The following HOXA3 variants were observed in gnomAD, a reference collection of about 807,000 sequenced individuals.
The protein encoded by HOXA3 is homeobox A3, also known as homeobox protein Hox-A3.
A neutral mutation model predicts 30.3 loss-of-function variants in HOXA3; 8 were observed. The ratio of observed to expected loss-of-function variants is 0.26; its 90% confidence interval spans 0.15 to 0.48. HOXA3 has a LOEUF of 0.48. Ranked by LOEUF, HOXA3 falls within the 20% of genes least tolerant of loss-of-function variation. HOXA3 has a pLI of 0.99. For synonymous variants in HOXA3, 323 were observed against 273.1 expected (o/e 1.18, Z -1.80); for missense variants, 653 against 614.4 (o/e 1.06, Z -0.66).
At chr7:27,139,174 A>C (rs13232958) in intron 2 of HOXA3, among the ~76,000 whole-genome samples, 1 of 152,258 alleles carries the variant, frequency 6.6e-6, no homozygotes, top group African/African-American at 2.4e-5. Context: ...AACCCCTTTC[A>C]ATTAGCCTGG....
At chr7:27,112,625 G>C (rs1784439619) in intron 4 of HOXA3, among the ~76,000 whole-genome samples, 1 of 152,202 alleles carries the variant, frequency 6.6e-6, no homozygotes, top group Admixed American at 6.5e-5. Context: ...TAGCAATTTA[G>C]TGTATCCGTT....
intron 1 of HOXA3, chr7:27,149,954 C>T (rs983964278): frequency 6.6e-6 from 1 of 152,088 alleles, no homozygotes. Context: ...TGTCAATTTA[C>T]TATTATTATT....
intron 4 of HOXA3, among the ~76,000 whole-genome samples, chr7:27,118,634 C>G (rs1477825934): frequency 1.3e-5 from 2 of 152,196 alleles, no homozygotes; most frequent in Non-Finnish European, 2.9e-5. Flanking sequence ...ACACACCCTC[C>G]AAACACAAGG....
At chr7:27,147,634 G>A in intron 1 of HOXA3, 2 of 1,614,168 alleles carry the variant, frequency 1.2e-6, no homozygotes, top group East Asian at 2.2e-5. Context: ...GTACGAGGCC[G>A]GGAAGGGCCT....
intron 1 of HOXA3, chr7:27,145,571 G>A: frequency 6.6e-7 from 1 of 1,522,410 alleles, no homozygotes; most frequent in South Asian, 1.3e-5. Context: ...GATGGGAGCA[G>A]GCGGGGAGAA....
intron 2 of HOXA3, chr7:27,130,845 T>C (rs1583397691): frequency 1.1e-6 from 1 of 934,952 alleles, no homozygotes; most frequent in Non-Finnish European, 1.5e-6. Context: ...CTCTGCGCCC[T>C]TCCCCTCCCC....
intron 2 of HOXA3, among the ~76,000 whole-genome samples, chr7:27,138,074 C>T (rs765886996): frequency 6.6e-6 from 1 of 152,104 alleles, no homozygotes; most frequent in Non-Finnish European, 1.5e-5. Flanking sequence ...AGCAGCAAAA[C>T]AAGGAATCCA....
intron 4 of HOXA3, among the ~76,000 whole-genome samples, chr7:27,118,714 G>A (rs1223016195): frequency 6.6e-6 from 1 of 152,236 alleles, no homozygotes; most frequent in Non-Finnish European, 1.5e-5. Context: ...CCACGGACAA[G>A]CTGGATCCTG....
intron 3 of HOXA3, chr7:27,124,666 C>G (rs1288639722): frequency 6.6e-6 from 1 of 152,170 alleles, no homozygotes; most frequent in Non-Finnish European, 1.5e-5. Context: ...CTGACGACTC[C>G]GATCCATTCC....
chr7:27,149,900 G>A (rs1178771893), intron 1 of HOXA3, among the ~76,000 whole-genome samples: 1 of 152,186 alleles, frequency 6.6e-6, no homozygotes, highest in Non-Finnish European at 1.5e-5. Context: ...TTACATTTAT[G>A]ATTTCCTTTT....
rs530915132 is a variant in HOXA3 at position 27,142,876 on chromosome 7, C to A, written c.-493-2690G>T. The A allele has an allele frequency of 3.5e-5, 22 of 626,532 alleles. No individual in the cohort carries two copies. The South Asian group carries it at 5.1e-4, about 15-fold the overall frequency. 38.8% of individuals were successfully genotyped at this position (626,532 alleles called of 1,614,324 possible). A position where few individuals can be genotyped will look rare whatever the true frequency, so the allele number is the denominator to read the frequency against. On this transcript the variant is annotated intron_variant, in intron 1 of 5. Transcript: ENST00000612286. ...ACTATTTGTGAGCGCAGGGTGCTCGCAAAGAAGAGGAGGAAGGAGGAAGGC... is the reference window on the plus strand; with the variant it reads ...ACTATTTGTGAGCGCAGGGTGCTCGAAAAGAAGAGGAGGAAGGAGGAAGGC...
In HOXA3 at chr7:27,143,012, C is replaced by T. The variant is rs745901959; in HGVS notation, c.-493-2826G>A. 3.4e-6 allele frequency: 5 copies of T among 1,489,968 alleles called. No individual in the cohort carries two copies. The African/African-American group carries it at 4.4e-5, about 13-fold the overall frequency. The allele number at this position is 1,489,968 out of a possible 1,614,324, so 92.3% of individuals were successfully genotyped here. ...GGGGGGACCGAGAGCCGCGTCCCCG[C>T]GGTCGCGTGGATTTAGAAAAAGGCT... On this transcript the variant is annotated intron_variant, in intron 1 of 5. Coordinates refer to ENST00000612286, the MANE Select transcript of HOXA3 (RefSeq NM_153631.3).
At chr7:27,147,297 A>G (rs1782801964) in intron 1 of HOXA3, 1 of 1,607,738 alleles carries the variant, frequency 6.2e-7, no homozygotes, top group Non-Finnish European at 8.5e-7. Flanking sequence ...CTGTCTTGGG[A>G]TATGTCTTAC....
intron 1 of HOXA3, chr7:27,150,137 A>ATCATGTTGACAGCTGACCAAT (rs55672610): frequency 6.6e-6 from 1 of 152,016 alleles, no homozygotes; most frequent in South Asian, 2.1e-4. Context: ...GCTAGTGCAT[A>ATCATGTTGACAGCTGACCAAT]TCATTTCTCC....
In HOXA3 at chr7:27,152,395, G is replaced by A; in HGVS notation, c.-601C>T. ...TGGTGCCAGAGGACGCAGGAAATTA[G>A]CCAGGTTGCGAGTTGCAAAGCTGCT... On this transcript the variant is annotated 5_prime_UTR_variant, in exon 1 of 6. Transcript: ENST00000612286. 5.1e-6 allele frequency: 6 copies of A among 1,175,358 alleles called. No individual in the cohort carries two copies. The South Asian group carries it at 6.2e-5, about 12-fold the overall frequency. 72.8% of individuals were successfully genotyped at this position (1,175,358 alleles called of 1,614,324 possible). A position where few individuals can be genotyped will look rare whatever the true frequency, so the allele number is the denominator to read the frequency against.
At chr7:27,143,242 T>C (rs1782638472) in intron 1 of HOXA3, 2 of 1,609,262 alleles carry the variant, frequency 1.2e-6, no homozygotes, top group Non-Finnish European at 1.7e-6. Context: ...TGGAGTTGCT[T>C]AGGGAGTTTT....
chr7:27,151,161 T>A (rs1354319751), intron 1 of HOXA3: 1 of 168,964 alleles, frequency 5.9e-6, no homozygotes, highest in Non-Finnish European at 1.3e-5. Flanking sequence ...ACCAAGATAT[T>A]GTCTCAAGTT....
intron 2 of HOXA3, among the ~76,000 whole-genome samples, chr7:27,130,972 A>G (rs1017622911): frequency 6.6e-5 from 10 of 151,126 alleles, no homozygotes; most frequent in African/African-American, 2.4e-4. Context: ...GCCCCCACCA[A>G]TGGGCGCACC....
At chr7:27,130,516 T>C (rs755300090) in intron 2 of HOXA3, 1 of 1,328,270 alleles carries the variant, frequency 7.5e-7, no homozygotes, top group Non-Finnish European at 9.6e-7. Context: ...CGGCGCGTAG[T>C]AGGAGGCAGT....
Sources: allele counts gnomAD v4.1 joint callset (sites outside exome capture counted in the v4.1 genomes callset), GRCh38; gene constraint gnomAD v4.1.1; transcripts MANE v1.5; gene names NCBI Gene and HGNC (gene_info 2026-07-23, HGNC 2026-07-21).